TADA2A: variants seen among roughly 807,000 people sequenced by gnomAD.
The protein encoded by TADA2A is transcriptional adapter 2-alpha.
A neutral mutation model predicts 67.4 loss-of-function variants in TADA2A; 38 were observed. That is an observed-to-expected ratio of 0.56 (90% CI 0.44 to 0.74). The LOEUF (loss-of-function observed/expected upper bound fraction) is 0.74. Among genes scored for constraint, TADA2A ranks in the 30% least tolerant of loss-of-function variants. The probability of loss-of-function intolerance (pLI) is 0.00; values close to 1 mark genes in which losing one functional copy is unlikely to be tolerated. For synonymous variants in TADA2A, 192 were observed against 181.6 expected, an observed-to-expected ratio of 1.06 and a Z score of -0.46; for missense variants, 454 against 547.0, an observed-to-expected ratio of 0.83 and a Z score of 1.70.
At chr17:37,408,549 C>G (rs2051737786) in intron 1 of TADA2A, 1 of 152,232 alleles carries the variant, frequency 6.6e-6, no homozygotes, top group African/African-American at 2.4e-5. Context: ...CTGCGTCCAG[C>G]CTTGACATCT....
intron 2 of TADA2A, 135 bp downstream of exon 2, chr17:37,411,525 C>T (rs1239417908): frequency 1.3e-5 from 11 of 821,214 alleles, no homozygotes; most frequent in Middle Eastern, 3.6e-4. Flanking sequence ...CGGCTTTAAA[C>T]GGTTCTCCTG....
intron 2 of TADA2A, among the ~76,000 whole-genome samples, chr17:37,411,753 C>T (rs1217176698): frequency 2.6e-5 from 4 of 151,396 alleles, no homozygotes; most frequent in Non-Finnish European, 4.4e-5. Context: ...TAATAGCAAA[C>T]TAGAGTGGAA....
chr17:37,458,709 C>A, intron 9 of TADA2A, 122 bp downstream of exon 9: 1 of 759,946 alleles, frequency 1.3e-6, no homozygotes, highest in Non-Finnish European at 2.0e-6. Flanking sequence ...CAAGGTCTCA[C>A]TCTGTTGCCC....
chr17:37,435,790 G>C (rs1443121673), intron 4 of TADA2A, among the ~76,000 whole-genome samples: 1 of 152,024 alleles, frequency 6.6e-6, no homozygotes, highest in Admixed American at 6.6e-5. Flanking sequence ...ATCTTGCCCA[G>C]GCTGGTCTCA....
At chr17:37,445,438 G>GT (rs1194019493) in intron 8 of TADA2A, among the ~76,000 whole-genome samples, 5 of 152,044 alleles carry the variant, frequency 3.3e-5, no homozygotes, top group African/African-American at 4.8e-5. Flanking sequence ...GCTAATTTTT[G>GT]TTTTTTTATT....
chr17:37,454,299 C>CTTT (rs34841409), intron 8 of TADA2A: 14 of 107,240 alleles, frequency 1.3e-4, no homozygotes, highest in East Asian at 3.0e-4. Context: ...TTCTTTCTTT[C>CTTT]TTTTTTTTTT....
intron 4 of TADA2A, among the ~76,000 whole-genome samples, chr17:37,435,082 A>G (rs937645596): frequency 2.6e-5 from 4 of 152,144 alleles, no homozygotes; most frequent in African/African-American, 9.7e-5. Context: ...CCCCGTCTCT[A>G]CTAAAAATAC....
At chr17:37,444,594 T>C in intron 7 of TADA2A, 102 bp from the exon 8 acceptor site, 2 of 959,226 alleles carry the variant, frequency 2.1e-6, no homozygotes, top group Non-Finnish European at 1.6e-6. Flanking sequence ...AAACAACTGT[T>C]TGCTTGTGTT....
Position 37,422,434 on chromosome 17 carries a change from G to A in TADA2A, c.26-1075G>A, listed in dbSNP as rs973742261. 1.4e-4 allele frequency among the ~76,000 whole-genome samples: 21 copies of A among 151,390 alleles called. No homozygotes were observed. In the East Asian group the frequency reaches 4.1e-3, roughly 30 times the overall value. ...AAGAGCAGGCAATCTGCCTGCCTCA[G>A]CCTCCCAAAGTGCTGGGATTACAGG... On this transcript the variant is annotated intron_variant, in intron 2 of 15. Transcript: ENST00000615182.
Position 37,477,236 on chromosome 17 carries a change from C to T in TADA2A, c.*254C>T. Reference sequence around the variant, plus strand: ...ATTAAATGTGAGTGGGCATTCATTCCTAACACCTCTTGTAACTAAAAGAAC... The same window carrying T: ...ATTAAATGTGAGTGGGCATTCATTCTTAACACCTCTTGTAACTAAAAGAAC... On this transcript the variant is annotated 3_prime_UTR_variant, in exon 16 of 16. Coordinates refer to ENST00000615182, the MANE Select transcript of TADA2A (RefSeq NM_001166105.3). The T allele has an allele frequency of 2.5e-6, 1 of 395,320 alleles. No homozygotes were observed. Among genetic ancestry groups the T allele is most frequent in the Admixed American group, 4.1e-5 (1 of 24,670 alleles). 24.5% of individuals were successfully genotyped at this position (395,320 alleles called of 1,614,324 possible).
Position 37,419,237 on chromosome 17 carries a change from C to G in TADA2A, c.26-4272C>G, listed in dbSNP as rs562928878. 3.4e-5 allele frequency among the ~76,000 whole-genome samples: 5 copies of G among 144,964 alleles called. 2 individuals are homozygous for G. The East Asian group carries it at 1.1e-3, about 32-fold the overall frequency. On this transcript the variant is annotated intron_variant, in intron 2 of 15. Transcript: ENST00000615182. ...CCAGGCTGGAGTGCAGTGGCATGCTCAAGGCTTACTGCAGACTCGATCTCA... is the reference window on the plus strand; with the variant it reads ...CCAGGCTGGAGTGCAGTGGCATGCTGAAGGCTTACTGCAGACTCGATCTCA...
chr17:37,459,037 T>G (rs2053478014), intron 9 of TADA2A, among the ~76,000 whole-genome samples: 1 of 152,138 alleles, frequency 6.6e-6, no homozygotes, highest in Admixed American at 6.6e-5. Flanking sequence ...GTGACTCATC[T>G]TTTGACCTTG....
At chr17:37,413,655 C>G (rs2051948368) in intron 2 of TADA2A, among the ~76,000 whole-genome samples, 1 of 151,916 alleles carries the variant, frequency 6.6e-6, no homozygotes, top group African/African-American at 2.4e-5. Flanking sequence ...CAAGCGATGC[C>G]CCCACCTTGG....
In TADA2A at chr17:37,439,930, ATTTATTTATTTATTAT is replaced by A. The variant is rs1015951972; in HGVS notation, c.285-571_285-556del. Reference sequence around the variant, plus strand: ...TCTTTATTTATTTATTTATTTATTTATTTATTTATTTATTATTTTTTTTTTTTTTTGAGATGGAGTT... The same window carrying A: ...TCTTTATTTATTTATTTATTTATTTATTTTTTTTTTTTTTGAGATGGAGTT... On this transcript the variant is annotated intron_variant, in intron 5 of 15. Coordinates refer to ENST00000615182, the MANE Select transcript of TADA2A (RefSeq NM_001166105.3). Among the ~76,000 whole-genome samples, 35 of 111,474 alleles carry A rather than the reference ATTTATTTATTTATTAT, an allele frequency of 3.1e-4. 1 individual carries two copies. The highest frequency in any genetic ancestry group is 1.5e-3 in the East Asian group (3 of 1,974). 73.1% of individuals were successfully genotyped at this position (111,474 alleles called of 152,430 possible). A position where few individuals can be genotyped will look rare whatever the true frequency, so the allele number is the denominator to read the frequency against.
chr17:37,461,814 G>A, intron 9 of TADA2A: 1 of 312,108 alleles, frequency 3.2e-6, no homozygotes, highest in East Asian at 5.6e-5. Flanking sequence ...GCATTTGTGA[G>A]TGGTTATTGA....
chr17:37,441,757 C>G (rs1394399237), intron 6 of TADA2A, among the ~76,000 whole-genome samples: 1 of 151,708 alleles, frequency 6.6e-6, no homozygotes, highest in Non-Finnish European at 1.5e-5. Context: ...ACCTCCACCT[C>G]CAGGGTTCAA....
chr17:37,470,754 AATGAGT>A (rs2053769376), intron 13 of TADA2A, among the ~76,000 whole-genome samples: 2 of 152,104 alleles, frequency 1.3e-5, no homozygotes, highest in African/African-American at 4.8e-5. Flanking sequence ...TATTTTTTAA[AATGAGT>A]GTATTTTCCC....
chr17:37,442,369 T>G (rs1244914842), intron 6 of TADA2A, among the ~76,000 whole-genome samples, 195 bp from the exon 7 acceptor site: 2 of 152,026 alleles, frequency 1.3e-5, no homozygotes, highest in Non-Finnish European at 2.9e-5. Context: ...CAGAAGAAAT[T>G]TCCCCATATT....
chr17:37,468,790 T>C (rs1441242782), intron 12 of TADA2A, among the ~76,000 whole-genome samples: 1 of 152,228 alleles, frequency 6.6e-6, no homozygotes, highest in Non-Finnish European at 1.5e-5. Context: ...GCAGTTTCTG[T>C]TGTTTTGCTG....
Sources: gnomAD v4.1 joint callset for allele counts (sites outside exome capture counted in the v4.1 genomes callset) on GRCh38, gnomAD v4.1.1 for gene constraint, MANE v1.5 for transcripts, NCBI Gene and HGNC (gene_info 2026-07-23, HGNC 2026-07-21) for gene names.